STRBP: variants seen among roughly 807,000 people sequenced by gnomAD.
STRBP encodes the protein spermatid perinuclear RNA binding protein.
A neutral mutation model predicts 80.1 loss-of-function variants in STRBP; 13 were observed. The ratio of observed to expected loss-of-function variants is 0.16; its 90% CI spans 0.11 to 0.26. The LOEUF is 0.26. Among genes scored for constraint, STRBP ranks in the 10% least tolerant of loss-of-function variants. The probability of loss-of-function intolerance (pLI) is 1.00; values close to 1 mark genes in which losing one functional copy is unlikely to be tolerated. For missense variants in STRBP, 485 were observed against 815.2 expected, an observed-to-expected ratio of 0.59 and a Z score of 4.93; for synonymous variants, 284 against 291.2, an observed-to-expected ratio of 0.98 and a Z score of 0.25.
chr9:123,195,627 T>C (rs1160031756), intron 2 of STRBP, among the ~76,000 whole-genome samples: 6 of 152,100 alleles, frequency 3.9e-5, no homozygotes, highest in African/African-American at 1.4e-4. Flanking sequence ...TACCTAGGAC[T>C]AAACGTAGCC....
At chr9:123,165,279 C>CA (rs568070749) in intron 6 of STRBP, among the ~76,000 whole-genome samples, 3,760 of 50,006 alleles carry the variant, frequency 0.075, 171 homozygotes, top group African/African-American at 0.18. Context: ...GACTCCATCT[C>CA]AAAAAAAAAA....
At chr9:123,259,793 C>T (rs1192169423) in intron 1 of STRBP, among the ~76,000 whole-genome samples, 2 of 152,000 alleles carry the variant, frequency 1.3e-5, no homozygotes, top group Non-Finnish European at 2.9e-5. Context: ...TAAGGAAGAA[C>T]CAAAAAAGAG....
At chr9:123,172,952 CAAA>C (rs1387182425) in intron 5 of STRBP, among the ~76,000 whole-genome samples, 1 of 152,074 alleles carries the variant, frequency 6.6e-6, no homozygotes, top group East Asian at 1.9e-4. Flanking sequence ...ATAAAATTAT[CAAA>C]AGCTGTAATT....
chr9:123,165,442 G>C (rs2037713941), intron 6 of STRBP, among the ~76,000 whole-genome samples: 1 of 152,170 alleles, frequency 6.6e-6, no homozygotes, highest in South Asian at 2.1e-4. Flanking sequence ...TGCCAAGAAG[G>C]GCGAGTTCAC....
chr9:123,219,922 T>C (rs75222165), intron 2 of STRBP, among the ~76,000 whole-genome samples: 1 of 152,044 alleles, frequency 6.6e-6, no homozygotes, highest in Non-Finnish European at 1.5e-5. Flanking sequence ...TTAAAGAAAA[T>C]AACTGCCAAT....
intron 2 of STRBP, among the ~76,000 whole-genome samples, chr9:123,217,142 G>A (rs1023807751): frequency 3.9e-5 from 6 of 152,028 alleles, no homozygotes; most frequent in African/African-American, 1.2e-4. Flanking sequence ...AACTCAACCC[G>A]AAAGATAAAA....
chr9:123,185,080 A>AAAT (rs908769262), intron 2 of STRBP, among the ~76,000 whole-genome samples: 12 of 152,124 alleles, frequency 7.9e-5, no homozygotes, highest in African/African-American at 2.9e-4. Context: ...ACCTAGCTAC[A>AAAT]AGAAAAGGAG....
intron 11 of STRBP, among the ~76,000 whole-genome samples, chr9:123,152,556 A>G (rs1027490005): frequency 6.6e-6 from 1 of 152,174 alleles, no homozygotes; most frequent in Non-Finnish European, 1.5e-5. Flanking sequence ...AGAAGGTACA[A>G]ACTATTGACA....
chr9:123,177,111 G>A (rs1467669971), intron 4 of STRBP, among the ~76,000 whole-genome samples: 2 of 152,120 alleles, frequency 1.3e-5, no homozygotes, highest in Non-Finnish European at 2.9e-5. Context: ...ACACAACTCT[G>A]TCCTTGGAAT....
chr9:123,268,244 T>C (rs949329666), intron 1 of STRBP, among the ~76,000 whole-genome samples, 192 bp downstream of exon 1: 14 of 142,604 alleles, frequency 9.8e-5, no homozygotes, highest in Admixed American at 4.2e-4. Context: ...GCGGCCACAA[T>C]GCCGGAGCCG....
Position 123,136,360 on chromosome 9 carries a change from G to T in STRBP, c.1632+21C>A. The T allele has an allele frequency of 6.2e-7, 1 of 1,612,870 alleles. No individual in the cohort carries two copies. The highest frequency in any genetic ancestry group is 1.1e-5 in the South Asian group (1 of 90,866). On this transcript the variant is annotated intron_variant, in intron 15 of 18. Transcript: ENST00000348403. This position sits in a 1 kb window ranked among gnomAD's most constrained non-coding sequence, Gnocchi z 4.2. ...TGTCTTTGAGAAGAAAGATAAGGCT[G>T]GCTTGTGTCTGGGTACACACCTCCA...
intron 13 of STRBP, among the ~76,000 whole-genome samples, chr9:123,141,152 G>A (rs892141526): frequency 1.3e-5 from 2 of 152,178 alleles, no homozygotes; most frequent in African/African-American, 4.8e-5. Flanking sequence ...ACACAAATGA[G>A]AAGCCAGCCT....
Position 123,123,766 on chromosome 9 carries a change from G to A in STRBP, c.*1831C>T. 1 of 985,320 alleles carries A rather than the reference G, an allele frequency of 1.0e-6. No homozygotes were observed. The highest frequency in any genetic ancestry group is 1.7e-5 in the African/African-American group (1 of 57,316). 61.0% of individuals were successfully genotyped at this position (985,320 alleles called of 1,614,324 possible). ...AGCTGCCAATTAATAGTATTCCAAAGACAATGAGGACTACTGTAAAGATTT... is the reference window on the plus strand; with the variant it reads ...AGCTGCCAATTAATAGTATTCCAAAAACAATGAGGACTACTGTAAAGATTT... On this transcript the variant is annotated 3_prime_UTR_variant, in exon 19 of 19. Transcript: ENST00000348403.
chr9:123,111,603 CAAG>C (rs751931624), intron 3 of STRBP: 1 of 478,438 alleles, frequency 2.1e-6, no homozygotes, highest in South Asian at 1.5e-5. Flanking sequence ...GCCTGACAGA[CAAG>C]AGCCTTCCTA....
At chr9:123,199,219 C>G (rs1232086337) in intron 2 of STRBP, among the ~76,000 whole-genome samples, 1 of 152,200 alleles carries the variant, frequency 6.6e-6, no homozygotes, top group Non-Finnish European at 1.5e-5. Flanking sequence ...CGGGCGTGAG[C>G]CACCGCACCC....
intron 13 of STRBP, among the ~76,000 whole-genome samples, chr9:123,142,146 A>T (rs2036614748): frequency 6.6e-6 from 1 of 152,226 alleles, no homozygotes; most frequent in Admixed American, 6.5e-5. Context: ...ATCTCATGTC[A>T]AATTGAAATC....
intron 6 of STRBP, among the ~76,000 whole-genome samples, chr9:123,167,376 G>A (rs1309899568): frequency 1.3e-5 from 2 of 151,992 alleles, no homozygotes; most frequent in African/African-American, 4.8e-5. Flanking sequence ...AATGAATCTT[G>A]TGCTTTTATC....
rs1588440981 is a variant in STRBP at position 123,123,812 on chromosome 9, T to C, written c.*1785A>G. 5 of 985,432 alleles carry C rather than the reference T, an allele frequency of 5.1e-6. No homozygotes were observed. In the Admixed American group the frequency reaches 2.5e-4, roughly 48 times the overall value. 61.0% of individuals were successfully genotyped at this position (985,432 alleles called of 1,614,324 possible). A position where few individuals can be genotyped will look rare whatever the true frequency, so the allele number is the denominator to read the frequency against. ...GATTTAATTAATAAAAACTGGACAC[T>C]ATCAGCCATGCTTTTTCTTCTCAGT... On this transcript the variant is annotated 3_prime_UTR_variant, in exon 19 of 19. Coordinates refer to ENST00000348403, the MANE Select transcript of STRBP (RefSeq NM_018387.5).
chr9:123,129,855 T>A (rs1248724461), intron 17 of STRBP, among the ~76,000 whole-genome samples: 2 of 152,178 alleles, frequency 1.3e-5, no homozygotes, highest in Non-Finnish European at 2.9e-5. Flanking sequence ...TAGTCTATAG[T>A]TAAGTCATAT....
Sources: allele counts gnomAD v4.1 joint callset (sites outside exome capture counted in the v4.1 genomes callset), GRCh38; gene constraint gnomAD v4.1.1; non-coding constraint Gnocchi (gnomAD v3.1); transcripts MANE v1.5; gene names NCBI Gene and HGNC (gene_info 2026-07-23, HGNC 2026-07-21).